Variants in ELMO1 observed in about 807,000 individuals in gnomAD.
The protein encoded by ELMO1 is engulfment and cell motility 1.
In ELMO1, 26 loss-of-function variants were observed where a neutral mutation model predicts 98.9. That is an observed-to-expected ratio of 0.26 (90% CI 0.19 to 0.36). The LOEUF is 0.36. Ranked by LOEUF, ELMO1 falls within the 10% of genes least tolerant of loss-of-function variation. The probability of loss-of-function intolerance (pLI) is 1.00; values close to 1 mark genes in which losing one functional copy is unlikely to be tolerated. For missense variants in ELMO1, 627 were observed against 935.2 expected, an observed-to-expected ratio of 0.67 and a Z score of 4.30; for synonymous variants, 346 against 346.0, an observed-to-expected ratio of 1.00 and a Z score of 0.00.
intron 6 of ELMO1, among the ~76,000 whole-genome samples, chr7:37,251,927 T>C (rs1795369602): frequency 6.6e-6 from 1 of 152,146 alleles, no homozygotes; most frequent in Non-Finnish European, 1.5e-5. Flanking sequence ...GGCATTCCTA[T>C]ACACCAATAA....
intron 16 of ELMO1, among the ~76,000 whole-genome samples, chr7:36,973,357 T>G (rs1199457225): frequency 6.6e-6 from 1 of 152,212 alleles, no homozygotes; most frequent in African/African-American, 2.4e-5. Context: ...GGCCTGACAT[T>G]TAGGAGACTG....
intron 1 of ELMO1, among the ~76,000 whole-genome samples, chr7:37,410,138 C>A (rs570445136): frequency 1.3e-5 from 2 of 152,330 alleles, no homozygotes; most frequent in African/African-American, 4.8e-5. Flanking sequence ...GCTGTAATTG[C>A]TCTAGCTCAG....
chr7:37,074,637 T>C (rs1584603564), intron 15 of ELMO1, among the ~76,000 whole-genome samples: 2 of 152,306 alleles, frequency 1.3e-5, no homozygotes, highest in South Asian at 4.1e-4. Context: ...GTGCACTGAA[T>C]TATACTTAGC....
At chr7:37,015,958 G>T (rs1366603094) in intron 15 of ELMO1, among the ~76,000 whole-genome samples, 2 of 152,224 alleles carry the variant, frequency 1.3e-5, no homozygotes, top group African/African-American at 4.8e-5. Context: ...AAACTCAGAA[G>T]ATCAACACTG....
chr7:37,119,255 C>T (rs748665133), intron 14 of ELMO1, among the ~76,000 whole-genome samples: 2 of 152,176 alleles, frequency 1.3e-5, no homozygotes, highest in African/African-American at 4.8e-5. Context: ...AGGAGAAGAA[C>T]AGAGAGATCT....
chr7:37,382,249 A>G (rs971694389), intron 1 of ELMO1, among the ~76,000 whole-genome samples: 1 of 152,236 alleles, frequency 6.6e-6, no homozygotes, highest in African/African-American at 2.4e-5. Flanking sequence ...AGCCCAGTTT[A>G]GAGTCAATCA....
At chr7:36,971,186 T>G (rs1281133459) in intron 16 of ELMO1, among the ~76,000 whole-genome samples, 1 of 152,168 alleles carries the variant, frequency 6.6e-6, no homozygotes, top group Non-Finnish European at 1.5e-5. Context: ...TCACCAAACA[T>G]TAAGAGGATA....
At chr7:37,243,732 T>G (rs1173962394) in intron 7 of ELMO1, among the ~76,000 whole-genome samples, 1 of 152,302 alleles carries the variant, frequency 6.6e-6, no homozygotes, top group Admixed American at 6.5e-5. Context: ...CTTGGCACCA[T>G]GAAAATCTGT....
At chr7:37,398,907 T>C (rs1395126514) in intron 1 of ELMO1, among the ~76,000 whole-genome samples, 1 of 152,184 alleles carries the variant, frequency 6.6e-6, no homozygotes, top group Non-Finnish European at 1.5e-5. Flanking sequence ...CCCAGCTCCA[T>C]GAGCATTATT....
At chr7:37,431,245 G>A (rs1452853003) in intron 1 of ELMO1, among the ~76,000 whole-genome samples, 1 of 152,212 alleles carries the variant, frequency 6.6e-6, no homozygotes, top group Non-Finnish European at 1.5e-5. Flanking sequence ...GCTGAGGTGA[G>A]AGGATGGCCT....
intron 14 of ELMO1, among the ~76,000 whole-genome samples, chr7:37,123,634 G>C (rs1162388237): frequency 2.0e-5 from 3 of 152,170 alleles, no homozygotes; most frequent in Non-Finnish European, 4.4e-5. Flanking sequence ...CTGAAATTGA[G>C]GCAATAATTA....
At chr7:37,254,803 T>C (rs1795553559) in intron 6 of ELMO1, among the ~76,000 whole-genome samples, 1 of 152,194 alleles carries the variant, frequency 6.6e-6, no homozygotes, top group African/African-American at 2.4e-5. Flanking sequence ...GTGATACTCC[T>C]TTTTTTAAGA....
At chr7:37,425,418 C>T (rs116885767) in intron 1 of ELMO1, among the ~76,000 whole-genome samples, 432 of 152,240 alleles carry the variant, frequency 2.8e-3, no homozygotes, top group Non-Finnish European at 4.6e-3. Context: ...AATTTGGAGG[C>T]GTGGGGGTGT....
At chr7:36,974,074 CT>C (rs1278337661) in intron 16 of ELMO1, among the ~76,000 whole-genome samples, 1 of 152,268 alleles carries the variant, frequency 6.6e-6, no homozygotes, top group Non-Finnish European at 1.5e-5. Context: ...GCGCCGCCCC[CT>C]GTTCCACTGC....
chr7:37,278,179 T>C (rs1393579292), intron 4 of ELMO1, among the ~76,000 whole-genome samples: 1 of 144,996 alleles, frequency 6.9e-6, no homozygotes, highest in Non-Finnish European at 1.5e-5. Flanking sequence ...CCCTTTTTGA[T>C]GTGTTAACTT....
chr7:37,166,888 A>G (rs1232066315), intron 13 of ELMO1, among the ~76,000 whole-genome samples: 1 of 152,002 alleles, frequency 6.6e-6, no homozygotes, highest in Non-Finnish European at 1.5e-5. Context: ...ATTCCTGGAT[A>G]TCCTTGTTAA....
chr7:36,925,901 C>T (rs1283012237), intron 16 of ELMO1, among the ~76,000 whole-genome samples: 1 of 152,014 alleles, frequency 6.6e-6, no homozygotes, highest in Non-Finnish European at 1.5e-5. Flanking sequence ...GTTTCTATCC[C>T]CCAGCACCAC....
intron 1 of ELMO1, among the ~76,000 whole-genome samples, chr7:37,354,330 T>G (rs991852998): frequency 6.6e-6 from 1 of 152,364 alleles, no homozygotes; most frequent in Non-Finnish European, 1.5e-5. Flanking sequence ...GTGATGCATT[T>G]TTAAAATCCA....
intron 15 of ELMO1, among the ~76,000 whole-genome samples, chr7:37,035,944 T>A (rs1795150190): frequency 6.6e-6 from 1 of 152,242 alleles, no homozygotes; most frequent in African/African-American, 2.4e-5. Flanking sequence ...AGTTATGATT[T>A]AACACTGCAC....
Sources: gnomAD v4.1 joint callset for allele counts (sites outside exome capture counted in the v4.1 genomes callset) on GRCh38, gnomAD v4.1.1 for gene constraint, MANE v1.5 for transcripts, NCBI Gene and HGNC (gene_info 2026-07-23, HGNC 2026-07-21) for gene names.